The following CARF variants were observed in gnomAD, a reference collection of about 807,000 sequenced individuals.
CARF encodes the protein calcium responsive transcription factor, also known as calcium-responsive transcription factor.
In CARF, 57 loss-of-function variants were observed where a neutral mutation model predicts 82.0. The ratio of observed to expected loss-of-function variants is 0.70; its 90% CI spans 0.56 to 0.87. CARF has a LOEUF of 0.87. Ranked by LOEUF, CARF falls within the 40% of genes least tolerant of loss-of-function variation. The pLI is 0.00. For missense variants in CARF, 771 were observed against 855.8 expected, an observed-to-expected ratio of 0.90 and a Z score of 1.24; for synonymous variants, 268 against 290.1, an observed-to-expected ratio of 0.92 and a Z score of 0.77.
chr2:202,954,703 C>CGCTGTCTCGAAAA (rs1275557498), intron 7 of CARF, among the ~76,000 whole-genome samples: 2 of 136,778 alleles, frequency 1.5e-5, no homozygotes, highest in African/African-American at 2.7e-5. Context: ...CAGAGCGAGA[C>CGCTGTCTCGAAAA]ATCATTTAAA....
At chr2:202,953,847 C>T (rs2058888617) in intron 6 of CARF, among the ~76,000 whole-genome samples, 158 bp from the exon 7 acceptor site, 4 of 151,984 alleles carry the variant, frequency 2.6e-5, no homozygotes, top group Non-Finnish European at 4.4e-5. Flanking sequence ...TTAAAGTAAA[C>T]AAGTATCAGA....
chr2:202,918,030 G>C lies in CARF; in HGVS notation c.-176G>C, dbSNP rs1277461614. The C allele has an allele frequency of 4.4e-6, 2 of 451,040 alleles. No homozygotes were observed. The highest frequency in any genetic ancestry group is 8.9e-6 in the Non-Finnish European group (2 of 225,068). The allele number at this position is 451,040 out of a possible 1,614,324, so 27.9% of individuals were successfully genotyped here. On this transcript the variant is annotated 5_prime_UTR_variant, in exon 2 of 17. Transcript: ENST00000438828. ...CTTGAGGCCTGGAATTTAAACCTGA[G>C]CCACTATCTGAAGGTAATTTTTTTT...
At chr2:202,934,777 T>C (rs959934219) in intron 3 of CARF, among the ~76,000 whole-genome samples, 3 of 151,902 alleles carry the variant, frequency 2.0e-5, no homozygotes, top group African/African-American at 7.3e-5. Flanking sequence ...AAGGGAAATT[T>C]CAAAAATATA....
intron 1 of CARF, among the ~76,000 whole-genome samples, chr2:202,913,553 G>A (rs1039102727): frequency 5.9e-5 from 9 of 152,212 alleles, no homozygotes. Context: ...GAAAACCTCT[G>A]TGCTGAAGTC....
At chr2:202,948,049 C>T (rs1428953503) in intron 5 of CARF, among the ~76,000 whole-genome samples, 3 of 152,140 alleles carry the variant, frequency 2.0e-5, no homozygotes, top group Non-Finnish European at 4.4e-5. Flanking sequence ...AGGAAGGGGT[C>T]CAGCTTCTGT....
rs71031002 is a variant in CARF, at chr2:202,915,778, G to GTT, written c.-329-2091_-329-2090dup. On this transcript the variant is annotated intron_variant, in intron 1 of 16. Coordinates refer to ENST00000438828, the MANE Select transcript of CARF (RefSeq NM_024744.17). ...CACTGCACCTAGCCTGTTTTTTTTT[G>GTT]TTTTTTTTTAAGTAGAGACAGGGTT... 3.3e-3 allele frequency among the ~76,000 whole-genome samples: 486 copies of GTT among 147,462 alleles called. 5 individuals are homozygous for GTT. Among genetic ancestry groups the GTT allele is most frequent in the Non-Finnish European group, 3.5e-3 (236 of 66,630 alleles).
intron 5 of CARF, among the ~76,000 whole-genome samples, chr2:202,949,517 TTA>T (rs1553562036): frequency 5.7e-5 from 2 of 34,820 alleles, no homozygotes; most frequent in Non-Finnish European, 9.8e-5. Context: ...TGTTATTTAT[TTA>T]TTATTATTAT....
chr2:202,931,338 A>G (rs1692902556), intron 3 of CARF, among the ~76,000 whole-genome samples: 1 of 152,230 alleles, frequency 6.6e-6, no homozygotes, highest in Admixed American at 6.5e-5. Flanking sequence ...AATACATATA[A>G]CATAAAACTA....
At chr2:202,936,329 A>G (rs1017440844) in intron 3 of CARF, among the ~76,000 whole-genome samples, 5 of 152,182 alleles carry the variant, frequency 3.3e-5, no homozygotes, top group East Asian at 1.9e-4. Flanking sequence ...TTTAAAATGA[A>G]GAATTTACTG....
intron 3 of CARF, among the ~76,000 whole-genome samples, chr2:202,940,179 A>G (rs1390929619): frequency 6.6e-6 from 1 of 152,020 alleles, no homozygotes; most frequent in Non-Finnish European, 1.5e-5. Context: ...GATTACAGGC[A>G]TGCATCACTG....
At chr2:202,980,858 G>T (rs867660218) in intron 14 of CARF, among the ~76,000 whole-genome samples, 5 of 151,762 alleles carry the variant, frequency 3.3e-5, no homozygotes, top group African/African-American at 1.2e-4. Context: ...TTTAAAGTTT[G>T]TGGGAGGATA....
At chr2:202,921,066 A>G (rs189731760) in intron 2 of CARF, among the ~76,000 whole-genome samples, 10 of 152,244 alleles carry the variant, frequency 6.6e-5, no homozygotes, top group Non-Finnish European at 1.5e-4. Flanking sequence ...CAGTGGTGCA[A>G]TCTCGGCTCA....
At chr2:202,925,111 C>T (rs1691551470) in intron 3 of CARF, 5 of 382,944 alleles carry the variant, frequency 1.3e-5, no homozygotes, top group Non-Finnish European at 2.6e-5. Context: ...GAGCCAGGAG[C>T]AGCTGAAGCT....
At chr2:202,919,486 T>C (rs1690374744) in intron 2 of CARF, among the ~76,000 whole-genome samples, 1 of 152,204 alleles carries the variant, frequency 6.6e-6, no homozygotes, top group Non-Finnish European at 1.5e-5. Context: ...TAAACTCCAC[T>C]TCTCAATCTG....
At chr2:202,943,566 G>C (rs1405355949) in intron 5 of CARF, among the ~76,000 whole-genome samples, 1 of 134,442 alleles carries the variant, frequency 7.4e-6, no homozygotes, top group Non-Finnish European at 1.6e-5. Flanking sequence ...AGTTGACATG[G>C]AACTTACATT....
chr2:202,950,738 A>G (rs1574639720), intron 5 of CARF, among the ~76,000 whole-genome samples: 1 of 152,292 alleles, frequency 6.6e-6, no homozygotes, highest in East Asian at 1.9e-4. Flanking sequence ...TACTTGAGAT[A>G]CACGTGATGA....
chr2:202,960,113 A>G (rs1028692564), intron 8 of CARF, among the ~76,000 whole-genome samples: 23 of 152,232 alleles, frequency 1.5e-4, no homozygotes, highest in African/African-American at 4.1e-4. Context: ...ATCTAGGTAT[A>G]TGCTTTTCAA....
At chr2:202,969,744 TA>T (rs1300900007) in intron 10 of CARF, among the ~76,000 whole-genome samples, 174 bp from the exon 11 acceptor site, 2 of 152,182 alleles carry the variant, frequency 1.3e-5, no homozygotes, top group African/African-American at 4.8e-5. Flanking sequence ...TTTAATTTGC[TA>T]AGTATTAATA....
intron 14 of CARF, among the ~76,000 whole-genome samples, chr2:202,979,080 A>T (rs1013953218): frequency 6.6e-6 from 1 of 152,054 alleles, no homozygotes; most frequent in African/African-American, 2.4e-5. Flanking sequence ...AACATGGTGA[A>T]ACCTGGTCTC....
Sources: gnomAD v4.1 joint callset for allele counts (sites outside exome capture counted in the v4.1 genomes callset) on GRCh38, gnomAD v4.1.1 for gene constraint, MANE v1.5 for transcripts, NCBI Gene and HGNC (gene_info 2026-07-23, HGNC 2026-07-21) for gene names.